Variants in SPOCK3 observed in about 807,000 individuals in gnomAD.
SPOCK3 encodes the protein SPARC (osteonectin), cwcv and kazal like domains proteoglycan 3.
SPOCK3 carries 30 observed loss-of-function variants against 56.6 expected under a neutral mutation model. The ratio of observed to expected loss-of-function variants is 0.53; its 90% confidence interval spans 0.40 to 0.72. The LOEUF is 0.72. SPOCK3 is among the 30% of genes least tolerant of loss of function. The pLI, the probability that SPOCK3 is intolerant of heterozygous loss-of-function variation, is 0.00. For missense variants in SPOCK3, 527 were observed against 530.0 expected, an observed-to-expected ratio of 0.99 and a Z score of 0.06; for synonymous variants, 196 against 183.3, an observed-to-expected ratio of 1.07 and a Z score of -0.56.
chr4:166,839,608 G>A (rs538766751), intron 6 of SPOCK3, among the ~76,000 whole-genome samples: 79 of 152,100 alleles, frequency 5.2e-4, no homozygotes, highest in African/African-American at 1.8e-3. Context: ...AGCACATCAC[G>A]GAGAACGAAA....
chr4:166,813,294 G>A (rs183858570), intron 6 of SPOCK3, among the ~76,000 whole-genome samples: 22 of 152,038 alleles, frequency 1.4e-4, no homozygotes, highest in East Asian at 9.7e-4. Flanking sequence ...GGTCTGCAGC[G>A]TATTCTCACA....
At chr4:167,043,618 C>T (rs1753430024) in intron 3 of SPOCK3, among the ~76,000 whole-genome samples, 1 of 151,736 alleles carries the variant, frequency 6.6e-6, no homozygotes, top group African/African-American at 2.4e-5. Flanking sequence ...ACCTCTATTC[C>T]TACTTTATAC....
At chr4:167,231,503 C>CA (rs1242276578) in intron 2 of SPOCK3, among the ~76,000 whole-genome samples, 1 of 151,976 alleles carries the variant, frequency 6.6e-6, no homozygotes, top group African/African-American at 2.4e-5. Flanking sequence ...GTACATAAAT[C>CA]ATTATTTGAG....
chr4:167,205,001 C>T (rs1335497626), intron 2 of SPOCK3, among the ~76,000 whole-genome samples: 31 of 145,668 alleles, frequency 2.1e-4, no homozygotes, highest in African/African-American at 7.1e-4. Context: ...CCATCACCAG[C>T]TATTTTTTTT....
intron 2 of SPOCK3, among the ~76,000 whole-genome samples, chr4:167,113,548 G>T (rs1042266191): frequency 4.6e-5 from 7 of 152,132 alleles, no homozygotes; most frequent in African/African-American, 1.7e-4. Flanking sequence ...TGTCTGAGCA[G>T]ATAGATGGCA....
At chr4:166,813,521 A>T (rs1031085644) in intron 6 of SPOCK3, among the ~76,000 whole-genome samples, 5 of 152,114 alleles carry the variant, frequency 3.3e-5, no homozygotes, top group Middle Eastern at 3.4e-3. Flanking sequence ...AGGAATTATT[A>T]TCAGAAAAAG....
intron 6 of SPOCK3, among the ~76,000 whole-genome samples, chr4:166,874,346 A>G (rs998573916): frequency 1.3e-5 from 2 of 152,152 alleles, no homozygotes; most frequent in African/African-American, 4.8e-5. Context: ...AGTCTCCTGT[A>G]TGCTGCCAGC....
intron 7 of SPOCK3, among the ~76,000 whole-genome samples, chr4:166,764,352 C>T (rs7694485): frequency 0.01 from 1,550 of 152,192 alleles, 35 homozygotes; most frequent in African/African-American, 0.035. Flanking sequence ...CTCCCCACCC[C>T]ACAACAGGCC....
chr4:166,952,658 G>A (rs1742818209), intron 4 of SPOCK3, among the ~76,000 whole-genome samples: 1 of 152,096 alleles, frequency 6.6e-6, no homozygotes, highest in South Asian at 2.1e-4. Flanking sequence ...AAAGCTGGAG[G>A]CATCACACTA....
chr4:166,861,148 A>G (rs1731211761), intron 6 of SPOCK3, among the ~76,000 whole-genome samples: 1 of 152,036 alleles, frequency 6.6e-6, no homozygotes, highest in African/African-American at 2.4e-5. Context: ...TTTCCATATG[A>G]TAAGTGCAGT....
intron 2 of SPOCK3, among the ~76,000 whole-genome samples, chr4:167,130,396 G>A (rs535577376): frequency 1.3e-5 from 2 of 151,974 alleles, no homozygotes; most frequent in East Asian, 3.9e-4. Flanking sequence ...TAACTAGTGG[G>A]TAATATATGG....
At chr4:167,148,631 T>G (rs1319304324) in intron 2 of SPOCK3, among the ~76,000 whole-genome samples, 1 of 152,106 alleles carries the variant, frequency 6.6e-6, no homozygotes, top group Non-Finnish European at 1.5e-5. Context: ...CCTATAAATA[T>G]AACCGTGTAT....
At chr4:166,944,612 G>A (rs1741501889) in intron 4 of SPOCK3, among the ~76,000 whole-genome samples, 1 of 151,926 alleles carries the variant, frequency 6.6e-6, no homozygotes, top group Non-Finnish European at 1.5e-5. Flanking sequence ...ATTGTAGAAT[G>A]TTTCTCAGTT....
intron 7 of SPOCK3, among the ~76,000 whole-genome samples, chr4:166,766,147 A>G (rs1316010150): frequency 2.0e-5 from 3 of 152,106 alleles, no homozygotes; most frequent in Non-Finnish European, 4.4e-5. Context: ...GGACAATTTG[A>G]CTTCCTATTT....
chr4:166,804,714 A>T (rs761158464), intron 6 of SPOCK3, among the ~76,000 whole-genome samples: 1 of 152,140 alleles, frequency 6.6e-6, no homozygotes, highest in Non-Finnish European at 1.5e-5. Context: ...GCATAAAGTG[A>T]TGGGAAAACC....
chr4:167,102,627 C>T (rs1326140835), intron 2 of SPOCK3: 1 of 152,286 alleles, frequency 6.6e-6, no homozygotes, highest in African/African-American at 2.4e-5. Context: ...GAACTCAGTA[C>T]TGCTCTGTCA....
rs1414297068 is a variant in SPOCK3 at position 166,792,199 on chromosome 4, G to C, written c.680C>G (p.Thr227Arg). Residue 227 changes from threonine to arginine, a missense_variant, in exon 7 of 11, where the codon ACA becomes AGA. Physicochemically the swap from Thr to Arg is moderately conservative, Grantham distance 71. Coordinates refer to ENST00000357545, the MANE Select transcript of SPOCK3 (RefSeq NM_001040159.2). ...TCTCTCAGGCCTCAGCAATGTTTTT[G>C]TCTTCTTGTTTTGACTTCCACTTTC... is the stretch of plus-strand genomic sequence containing the variant. ...LHESGSQNKK[T>R]KTLLRPERSR... is the part of the protein sequence containing the mutation. 2 of 1,613,726 alleles carry C rather than the reference G, an allele frequency of 1.2e-6. No individual in the cohort carries two copies. Among genetic ancestry groups the C allele is most frequent in the African/African-American group, 2.7e-5 (2 of 74,896 alleles).
At chr4:166,822,615 C>T (rs1411389653) in intron 6 of SPOCK3, among the ~76,000 whole-genome samples, 2 of 151,998 alleles carry the variant, frequency 1.3e-5, no homozygotes, top group African/African-American at 2.4e-5. Context: ...TTTTCAAAGG[C>T]ACTATTGCAC....
At chr4:167,001,835 G>A (rs764351661) in intron 3 of SPOCK3, among the ~76,000 whole-genome samples, 28 of 152,272 alleles carry the variant, frequency 1.8e-4, no homozygotes, top group Admixed American at 5.9e-4. Flanking sequence ...CTGACCAGCG[G>A]AAATAAAATG....
Sources: allele counts gnomAD v4.1 joint callset (sites outside exome capture counted in the v4.1 genomes callset), GRCh38; gene constraint gnomAD v4.1.1; transcripts MANE v1.5; gene names NCBI Gene and HGNC (gene_info 2026-07-23, HGNC 2026-07-21).